PDE4B: variants seen among roughly 807,000 people sequenced by gnomAD.
The protein encoded by PDE4B is phosphodiesterase 4B.
In PDE4B, 20 loss-of-function variants were observed where a neutral mutation model predicts 82.2. That is an observed-to-expected ratio of 0.24 (90% CI 0.17 to 0.35). PDE4B has a LOEUF of 0.35. PDE4B is among the 10% of genes least tolerant of loss of function. The probability of loss-of-function intolerance (pLI) is 1.00; values close to 1 mark genes in which losing one functional copy is unlikely to be tolerated. For missense variants in PDE4B, 655 were observed against 907.2 expected, an observed-to-expected ratio of 0.72 and a Z score of 3.57; for synonymous variants, 320 against 318.9, an observed-to-expected ratio of 1.00 and a Z score of -0.04.
chr1:66,354,580 T>G, intron 8 of PDE4B: 1 of 1,291,914 alleles, frequency 7.7e-7, no homozygotes. Context: ...GACAGGCTCT[T>G]GCTCCTTCGT....
chr1:66,115,546 G>T (rs1183244774), intron 3 of PDE4B, among the ~76,000 whole-genome samples: 1 of 152,224 alleles, frequency 6.6e-6, no homozygotes, highest in Non-Finnish European at 1.5e-5. Flanking sequence ...AAGTTAATCA[G>T]ACCCTAGGAA....
At chr1:66,362,061 A>G (rs1041780977) in intron 10 of PDE4B, among the ~76,000 whole-genome samples, 1 of 152,094 alleles carries the variant, frequency 6.6e-6, no homozygotes, top group African/African-American at 2.4e-5. Context: ...TTGTTGGGGC[A>G]TCTGATGGAA....
At chr1:66,105,156 A>G (rs965098576) in intron 3 of PDE4B, among the ~76,000 whole-genome samples, 2 of 151,296 alleles carry the variant, frequency 1.3e-5, no homozygotes, top group Non-Finnish European at 2.9e-5. Context: ...CTTTCTACAT[A>G]TGGCTAGCCA....
Position 66,247,500 on chromosome 1 carries a change from C to T in PDE4B, c.322C>T (p.Leu108=), listed in dbSNP as rs1429058809. 1 of 1,602,426 alleles carries T rather than the reference C, an allele frequency of 6.2e-7. No individual in the cohort carries two copies. Among genetic ancestry groups the T allele is most frequent in the Non-Finnish European group, 8.5e-7 (1 of 1,175,604 alleles). ...TGGCCCTTCCCCAGGTCGGAGTCCA[C>T]TGGATCCCCAGGCCAGCTCTTCCGC... The part of the protein sequence containing the change: ...ENGPSPGRSP[L]DPQASSSAGL... Residue 108 remains leucine (L), a synonymous_variant, in exon 4 of 17, where the codon CTG becomes TTG. Coordinates refer to ENST00000341517, the MANE Select transcript of PDE4B (RefSeq NM_002600.4).
intron 7 of PDE4B, among the ~76,000 whole-genome samples, chr1:66,270,299 TAAAAC>T (rs1655371527): frequency 6.6e-6 from 1 of 152,218 alleles, no homozygotes; most frequent in Non-Finnish European, 1.5e-5. Flanking sequence ...TACCAACTGA[TAAAAC>T]AGAAGAAGAG....
chr1:66,162,049 G>A (rs2485381), intron 3 of PDE4B, among the ~76,000 whole-genome samples: 117,739 of 151,906 alleles, frequency 0.78, 46,069 homozygotes, highest in Non-Finnish European at 0.83. Flanking sequence ...GGTGCTCACT[G>A]AATGGTGCTA....
At chr1:65,920,996 T>G (rs1647230417) in intron 3 of PDE4B, among the ~76,000 whole-genome samples, 1 of 119,298 alleles carries the variant, frequency 8.4e-6, no homozygotes, top group Non-Finnish European at 1.6e-5. Flanking sequence ...TGAGACGGAG[T>G]CTCGCTCTGT....
chr1:66,076,395 A>G (rs1656440076), intron 3 of PDE4B, among the ~76,000 whole-genome samples: 1 of 152,160 alleles, frequency 6.6e-6, no homozygotes, highest in Non-Finnish European at 1.5e-5. Context: ...CCATCGTTAT[A>G]TGTAGCACAT....
chr1:66,285,330 T>G (rs1226800356), intron 7 of PDE4B, among the ~76,000 whole-genome samples: 1 of 152,160 alleles, frequency 6.6e-6, no homozygotes, highest in African/African-American at 2.4e-5. Context: ...CAGCATTATT[T>G]ATTTGTTTTT....
At chr1:65,976,693 A>G (rs1650426386) in intron 3 of PDE4B, among the ~76,000 whole-genome samples, 1 of 152,094 alleles carries the variant, frequency 6.6e-6, no homozygotes, top group Admixed American at 6.5e-5. Flanking sequence ...TTCTCATAAG[A>G]TCTGATGATT....
Position 66,344,018 on chromosome 1 carries a change from C to T in PDE4B, c.747+11398C>T, listed in dbSNP as rs1044074760. Among the ~76,000 whole-genome samples, 5 of 152,172 alleles carry T rather than the reference C, an allele frequency of 3.3e-5. No individual in the cohort carries two copies. In the East Asian group the frequency reaches 9.6e-4, roughly 29 times the overall value. On this transcript the variant is annotated intron_variant, in intron 8 of 16. Transcript: ENST00000341517. ...GGACTCCAACTCCCACTCTGGATCT[C>T]TCACTCATAATCCACAAGGATTAAT...
chr1:66,011,402 C>G (rs1175046929), intron 3 of PDE4B, among the ~76,000 whole-genome samples: 1 of 152,026 alleles, frequency 6.6e-6, no homozygotes, highest in African/African-American at 2.4e-5. Flanking sequence ...GAAAAGGACA[C>G]TCATAAAGTA....
At chr1:66,297,558 C>T (rs568393209) in intron 7 of PDE4B, among the ~76,000 whole-genome samples, 5 of 152,200 alleles carry the variant, frequency 3.3e-5, no homozygotes, top group East Asian at 3.9e-4. Context: ...CTCAAGAGAG[C>T]GGTTTTACCT....
chr1:66,057,725 C>T (rs1655374896), intron 3 of PDE4B, among the ~76,000 whole-genome samples: 1 of 152,132 alleles, frequency 6.6e-6, no homozygotes, highest in African/African-American at 2.4e-5. Context: ...TATTAACTGT[C>T]ACCAGAACAG....
At chr1:66,132,293 G>A (rs542688843) in intron 3 of PDE4B, among the ~76,000 whole-genome samples, 27 of 152,316 alleles carry the variant, frequency 1.8e-4, no homozygotes, top group African/African-American at 6.0e-4. Flanking sequence ...AAGCTTTGTA[G>A]TCTGATAGAT....
At chr1:66,186,207 TACCAGC>T (rs1647205910) in intron 3 of PDE4B, among the ~76,000 whole-genome samples, 1 of 152,232 alleles carries the variant, frequency 6.6e-6, no homozygotes, top group Non-Finnish European at 1.5e-5. Context: ...TCTGTTTTGG[TACCAGC>T]ACCATGCTGT....
At chr1:66,188,934 G>A (rs1382033524) in intron 3 of PDE4B, among the ~76,000 whole-genome samples, 1 of 152,190 alleles carries the variant, frequency 6.6e-6, no homozygotes, top group Non-Finnish European at 1.5e-5. Flanking sequence ...TATCCTCGAT[G>A]GACTTTACAA....
chr1:65,819,640 T>C (rs1645929616), intron 1 of PDE4B, among the ~76,000 whole-genome samples: 1 of 151,760 alleles, frequency 6.6e-6, no homozygotes, highest in East Asian at 1.9e-4. Context: ...GCTGGGACTA[T>C]AGGCGCCCGC....
At chr1:65,795,371 C>T (rs1645620392) in intron 1 of PDE4B, among the ~76,000 whole-genome samples, 1 of 152,218 alleles carries the variant, frequency 6.6e-6, no homozygotes, top group Admixed American at 6.5e-5. Flanking sequence ...TTTCCAAAAA[C>T]CTTCAAACAG....
Sources: allele counts gnomAD v4.1 joint callset (sites outside exome capture counted in the v4.1 genomes callset), GRCh38; gene constraint gnomAD v4.1.1; transcripts MANE v1.5; gene names NCBI Gene and HGNC (gene_info 2026-07-23, HGNC 2026-07-21).